Variants in ANK2 observed in about 807,000 individuals in gnomAD.
ANK2 encodes ankyrin-2.
In ANK2, 83 loss-of-function variants were observed where a neutral mutation model predicts 360.5. That is an observed-to-expected ratio of 0.23 (90% CI 0.19 to 0.28). The LOEUF is 0.28. Ranked by LOEUF, ANK2 falls within the 10% of genes least tolerant of loss-of-function variation. The pLI, the probability that ANK2 is intolerant of heterozygous loss-of-function variation, is 1.00. For synonymous variants in ANK2, 1,740 were observed against 1,759.5 expected, an observed-to-expected ratio of 0.99 and a Z score of 0.28; for missense variants, 4,201 against 4,795.7, an observed-to-expected ratio of 0.88 and a Z score of 3.66.
intron 31 of ANK2, among the ~76,000 whole-genome samples, chr4:113,338,246 A>C (rs1286497180): frequency 6.6e-6 from 1 of 152,130 alleles, no homozygotes; most frequent in Non-Finnish European, 1.5e-5. Flanking sequence ...CATTTCAAAC[A>C]TATATTCCTC....
Position 113,237,037 on chromosome 4 carries a change from G to T in ANK2, c.534G>T (p.Ala178=), listed in dbSNP as rs762387569. 3 of 1,614,146 alleles carry T rather than the reference G, an allele frequency of 1.9e-6. No homozygotes were observed. The highest frequency in any genetic ancestry group is 1.7e-6 in the Non-Finnish European group (2 of 1,180,028). ...CACTCCAGCAAGGACACAACCAGGC[G>T]GTGGCCATCCTCTTGGAGAATGACA... is the stretch of plus-strand genomic sequence containing the variant. The part of the protein sequence containing the change: ...AVALQQGHNQ[A]VAILLENDTK... The change falls in exon 6 of 46, where the codon GCG becomes GCT. Residue 178 remains alanine, a synonymous_variant. Transcript: ENST00000357077.
chr4:113,059,899 G>C (rs540083988), intron 1 of ANK2, among the ~76,000 whole-genome samples: 1 of 152,186 alleles, frequency 6.6e-6, no homozygotes, highest in East Asian at 1.9e-4. Flanking sequence ...TATCCCATAA[G>C]AGCCAGTTAT....
chr4:112,754,716 A>C, the ANK2 span, among the ~76,000 whole-genome samples: 1 of 152,136 alleles, frequency 6.6e-6, no homozygotes, highest in African/African-American at 2.4e-5. Context: ...CCCCATCTCC[A>C]GGCCACAGTA....
At chr4:113,108,977 T>C (rs549611919) in intron 1 of ANK2, among the ~76,000 whole-genome samples, 26 of 152,198 alleles carry the variant, frequency 1.7e-4, no homozygotes, top group Non-Finnish European at 3.1e-4. Context: ...ATCAAAACTT[T>C]GTATTAAGAA....
chr4:112,861,401 G>T (rs997072030), intron 1 of ANK2, among the ~76,000 whole-genome samples: 2 of 152,130 alleles, frequency 1.3e-5, no homozygotes, highest in African/African-American at 4.8e-5. Context: ...TATATTTTCC[G>T]TTGAGACTCA....
chr4:113,356,901 G>A lies in ANK2; in HGVS notation c.8283G>A (p.Lys2761=). Residue 2761 remains lysine, a synonymous_variant, in exon 38 of 46, where the codon AAG becomes AAA. Transcript: ENST00000357077. The stretch of plus-strand genomic sequence containing the variant: ...AGGCTGAAGACAGGTCTTATGATAA[G>A]CTAAACAGAGACACTGATCAGCCAA... ...STEAEDRSYD[K]LNRDTDQPKI... 1 of 1,614,044 alleles carries A rather than the reference G, an allele frequency of 6.2e-7. No individual in the cohort carries two copies. Among genetic ancestry groups the A allele is most frequent in the Non-Finnish European group, 8.5e-7 (1 of 1,179,986 alleles).
the ANK2 span, among the ~76,000 whole-genome samples, chr4:112,726,420 C>G: frequency 6.6e-6 from 1 of 152,168 alleles, no homozygotes; most frequent in Non-Finnish European, 1.5e-5. Context: ...CTCTGTACCT[C>G]TCTAAGTTAG....
intron 2 of ANK2, among the ~76,000 whole-genome samples, chr4:113,043,608 G>A (rs1007793022): frequency 3.3e-5 from 5 of 152,040 alleles, no homozygotes; most frequent in Non-Finnish European, 5.9e-5. Flanking sequence ...TTGGGAAGCT[G>A]GATTTTCTCT....
At chr4:112,741,806 C>T in the ANK2 span, among the ~76,000 whole-genome samples, 705 of 152,094 alleles carry the variant, frequency 4.6e-3, 8 homozygotes, top group African/African-American at 0.016. Context: ...CATAGTGATA[C>T]GCCGTTTCTT....
chr4:113,063,669 A>G (rs2074446703), intron 1 of ANK2, among the ~76,000 whole-genome samples: 1 of 152,182 alleles, frequency 6.6e-6, no homozygotes, highest in South Asian at 2.1e-4. Context: ...ATTAACAGCA[A>G]ATGTAAAATT....
chr4:112,731,698 A>C, the ANK2 span, among the ~76,000 whole-genome samples: 1 of 152,234 alleles, frequency 6.6e-6, no homozygotes, highest in Non-Finnish European at 1.5e-5. Context: ...GTGCCCCTGC[A>C]CTACAACCTG....
At chr4:112,932,858 A>C (rs375856837) in intron 2 of ANK2, among the ~76,000 whole-genome samples, 40 of 152,290 alleles carry the variant, frequency 2.6e-4, no homozygotes, top group African/African-American at 9.1e-4. Flanking sequence ...TTCTATATTC[A>C]GAATAATGTA....
intron 2 of ANK2, among the ~76,000 whole-genome samples, chr4:112,954,149 G>T (rs1354550240): frequency 6.6e-6 from 1 of 151,434 alleles, no homozygotes; most frequent in Non-Finnish European, 1.5e-5. Context: ...GGATATTGTT[G>T]TCCCACCCCT....
intron 13 of ANK2, among the ~76,000 whole-genome samples, chr4:113,262,887 G>A (rs2053756592): frequency 6.6e-6 from 1 of 151,692 alleles, no homozygotes; most frequent in Non-Finnish European, 1.5e-5. Flanking sequence ...AGGGACAACT[G>A]TAGTTAGAAG....
chr4:113,341,955 T>C, intron 33 of ANK2, 39 bp downstream of exon 33: 1 of 1,426,308 alleles, frequency 7.0e-7, no homozygotes, highest in Non-Finnish European at 9.8e-7. Context: ...TTATGCCATG[T>C]TGTTATACCT....
intron 2 of ANK2, among the ~76,000 whole-genome samples, chr4:112,984,321 C>T (rs899210174): frequency 6.6e-6 from 1 of 152,136 alleles, no homozygotes; most frequent in African/African-American, 2.4e-5. Context: ...AATGGATTTA[C>T]AGTTCCACAT....
At chr4:113,381,004 T>C (rs1308758948) in intron 45 of ANK2, among the ~76,000 whole-genome samples, 1 of 151,342 alleles carries the variant, frequency 6.6e-6, no homozygotes, top group African/African-American at 2.5e-5. Flanking sequence ...AGGGTATGAC[T>C]GTAAGGTTTA....
At chr4:112,917,266 A>G (rs987738391) in intron 2 of ANK2, among the ~76,000 whole-genome samples, 1 of 152,244 alleles carries the variant, frequency 6.6e-6, no homozygotes, top group Non-Finnish European at 1.5e-5. Context: ...TGGATCTAAA[A>G]TGCATTCCTT....
In ANK2 at chr4:113,353,924, A is replaced by G; in HGVS notation, c.5306A>G (p.Lys1769Arg). The G allele has an allele frequency of 6.2e-7, 1 of 1,614,058 alleles. No individual in the cohort carries two copies. Among genetic ancestry groups the G allele is most frequent in the Non-Finnish European group, 8.5e-7 (1 of 1,179,956 alleles). Residue 1769 changes from lysine (K) to arginine (R), a missense_variant, in exon 38 of 46, where the codon AAA (lysine) becomes AGA (arginine). Coordinates refer to ENST00000357077, the MANE Select transcript of ANK2 (RefSeq NM_001148.6). ...EETPIGSIKD[K>R]VKALQKRVED... ...ACTCCCATTGGTTCCATAAAGGACA[A>G]AGTAAAGGCCCTTCAGAAGCGAGTG...
Sources: gnomAD v4.1 joint callset for allele counts (sites outside exome capture counted in the v4.1 genomes callset) on GRCh38, gnomAD v4.1.1 for gene constraint, MANE v1.5 for transcripts, NCBI Gene and HGNC (gene_info 2026-07-23, HGNC 2026-07-21) for gene names.